Variants in SEC23B observed in about 807,000 individuals in gnomAD.
SEC23B encodes SEC23 homolog B, COPII component, also known as protein transport protein Sec23B.
In SEC23B, 77 loss-of-function variants were observed where a neutral mutation model predicts 104.3. The ratio of observed to expected loss-of-function variants is 0.74; its 90% CI spans 0.61 to 0.89. The LOEUF (loss-of-function observed/expected upper bound fraction) is 0.89. SEC23B is among the 40% of genes least tolerant of loss of function. SEC23B has a pLI of 0.00. For synonymous variants in SEC23B, 338 were observed against 332.5 expected (o/e 1.02, Z -0.18); for missense variants, 885 against 949.4 (o/e 0.93, Z 0.89).
At chr20:18,516,389 T>A (rs1170332871) in intron 4 of SEC23B, among the ~76,000 whole-genome samples, 1 of 152,106 alleles carries the variant, frequency 6.6e-6, no homozygotes, top group African/African-American at 2.4e-5. Flanking sequence ...ATGTTGGAGG[T>A]TTGCATTTCT....
intron 15 of SEC23B, among the ~76,000 whole-genome samples, chr20:18,546,389 A>T (rs1172228822): frequency 6.6e-6 from 1 of 152,008 alleles, no homozygotes; most frequent in Non-Finnish European, 1.5e-5. Flanking sequence ...AAGATAACAA[A>T]ACAAAACCAC....
At chr20:18,517,301 G>T (rs1238509215) in intron 4 of SEC23B, among the ~76,000 whole-genome samples, 1 of 152,184 alleles carries the variant, frequency 6.6e-6, no homozygotes, top group East Asian at 1.9e-4. Context: ...ATGTTTTGTG[G>T]GCAGGAGGTG....
At chr20:18,532,802 T>G in intron 11 of SEC23B, 58 bp downstream of exon 11, 1 of 1,262,370 alleles carries the variant, frequency 7.9e-7, no homozygotes, top group Non-Finnish European at 1.2e-6. Flanking sequence ...CCGTCAGAAG[T>G]GTCAGAGCAT....
At chr20:18,518,903 C>A (rs2060058328) in intron 4 of SEC23B, among the ~76,000 whole-genome samples, 1 of 152,066 alleles carries the variant, frequency 6.6e-6, no homozygotes, top group South Asian at 2.1e-4. Context: ...TAGTGATTTT[C>A]TGCCTATATA....
chr20:18,554,962 TAAAACA>T, intron 18 of SEC23B, 140 bp from the exon 19 acceptor site: 2 of 73,840 alleles, frequency 2.7e-5, no homozygotes, highest in Non-Finnish European at 3.9e-5. Context: ...TACTGTGCAG[TAAAACA>T]ATTCTAATTA....
At chr20:18,520,325 A>G (rs1280147458) in intron 4 of SEC23B, among the ~76,000 whole-genome samples, 1 of 152,218 alleles carries the variant, frequency 6.6e-6, no homozygotes, top group Non-Finnish European at 1.5e-5. Flanking sequence ...CATTTAAAGC[A>G]TGCCGTGGGA....
chr20:18,522,161 G>C (rs555271144), intron 4 of SEC23B, among the ~76,000 whole-genome samples: 1 of 152,160 alleles, frequency 6.6e-6, no homozygotes, highest in Non-Finnish European at 1.5e-5. Flanking sequence ...GGAGTAGGGG[G>C]TGGGGAGCAG....
At chr20:18,545,883 G>T (rs1245014542) in intron 14 of SEC23B, 73 bp from the exon 15 acceptor site, 21 of 887,190 alleles carry the variant, frequency 2.4e-5, no homozygotes, top group Non-Finnish European at 3.8e-5. Context: ...AATATTTCCA[G>T]GTAATGCTAA....
intron 18 of SEC23B, 64 bp from the exon 19 acceptor site, chr20:18,555,044 T>C: frequency 7.0e-7 from 1 of 1,431,294 alleles, no homozygotes; most frequent in South Asian, 1.2e-5. Flanking sequence ...ATCTTTTTTC[T>C]GTTACATTAA....
intron 16 of SEC23B, among the ~76,000 whole-genome samples, chr20:18,549,439 A>G (rs2122153094): frequency 6.6e-6 from 1 of 152,322 alleles, no homozygotes; most frequent in East Asian, 1.9e-4. Flanking sequence ...GTACATGTAC[A>G]GTACAGATGC....
chr20:18,532,621 T>C (rs1180911801), intron 10 of SEC23B, 43 bp from the exon 11 acceptor site: 1 of 1,364,368 alleles, frequency 7.3e-7, no homozygotes, highest in African/African-American at 1.4e-5. Flanking sequence ...GCAGGGTGGA[T>C]TGAAGTGATC....
chr20:18,557,745 C>CTTTTTTTT (rs11477198), intron 19 of SEC23B, among the ~76,000 whole-genome samples: 104 of 116,794 alleles, frequency 8.9e-4, no homozygotes, highest in African/African-American at 1.3e-3. Flanking sequence ...TTTTTCTTTT[C>CTTTTTTTT]TTTTTTTTTT....
At chr20:18,515,846 CAGCAGGATCCTAACCTTT>C in intron 4 of SEC23B, 110 bp downstream of exon 4, 1 of 744,608 alleles carries the variant, frequency 1.3e-6, no homozygotes, top group Non-Finnish European at 2.4e-6. Context: ...GCTGTGAGGG[CAGCAGGATCCTAACCTTT>C]AGGTTTGATG....
rs759499187 is a variant in SEC23B at position 18,548,644 on chromosome 20, A to G, written c.1779A>G (p.Gln593=). Residue 593 remains glutamine, a synonymous_variant, in exon 16 of 20, where the codon CAA becomes CAG. Transcript: ENST00000650089. ...ATCTGAGAAGATCTCCATTTCTTCAAGTGTTTAACAACAGTCCTGATGAGT... is the reference window on the plus strand; with the variant it reads ...ATCTGAGAAGATCTCCATTTCTTCAGGTGTTTAACAACAGTCCTGATGAGT... ...MFHLRRSPFL[Q]VFNNSPDESS... 9 of 1,614,136 alleles carry G rather than the reference A, an allele frequency of 5.6e-6. No homozygotes were observed. Among genetic ancestry groups the G allele is most frequent in the Admixed American group, 3.3e-5 (2 of 60,028 alleles).
chr20:18,535,778 G>A (rs12624437), intron 12 of SEC23B, 36 bp downstream of exon 12: 2 of 1,491,792 alleles, frequency 1.3e-6, no homozygotes, highest in South Asian at 2.3e-5. Context: ...TCATGTCTTA[G>A]TGTCCTGTTT....
At chr20:18,521,616 G>A (rs1182843344) in intron 4 of SEC23B, among the ~76,000 whole-genome samples, 1 of 152,172 alleles carries the variant, frequency 6.6e-6, no homozygotes, top group Non-Finnish European at 1.5e-5. Flanking sequence ...GTGAGGAGGG[G>A]AGGTGATAGA....
At chr20:18,557,856 A>G (rs1378890196) in intron 19 of SEC23B, among the ~76,000 whole-genome samples, 1 of 150,678 alleles carries the variant, frequency 6.6e-6, no homozygotes, top group Non-Finnish European at 1.5e-5. Flanking sequence ...GGTTCAAGCA[A>G]TTCTCCTGCC....
chr20:18,534,537 C>T (rs933415196), intron 11 of SEC23B, among the ~76,000 whole-genome samples: 6 of 152,140 alleles, frequency 3.9e-5, no homozygotes, highest in Admixed American at 2.0e-4. Flanking sequence ...TGAGTTAGAT[C>T]GCTTGGTGAT....
Position 18,555,137 on chromosome 20 carries a change from ATC to A in SEC23B, c.2181_2182del (p.Gln728AspfsTer4). 1 of 1,613,998 alleles carries A rather than the reference ATC, an allele frequency of 6.2e-7. No homozygotes were observed. The highest frequency in any genetic ancestry group is 8.5e-7 in the Non-Finnish European group (1 of 1,179,916). The stretch of plus-strand genomic sequence containing the variant: ...GATTCCTTTTGTCCAAAGTGAACCC[ATC>A]TCAGACACACAATAACCTGTATGCT... ...ARFLLSKVNP[S>X]QTHNNLYAWG... On this transcript the variant is annotated frameshift_variant, in exon 19 of 20. Transcript: ENST00000650089. LOFTEE classifies it high-confidence loss of function.
Sources: gnomAD v4.1 joint callset for allele counts (sites outside exome capture counted in the v4.1 genomes callset) on GRCh38, gnomAD v4.1.1 for gene constraint, MANE v1.5 for transcripts, NCBI Gene and HGNC (gene_info 2026-07-23, HGNC 2026-07-21) for gene names.